The following ACOX3 variants were observed in gnomAD, a reference collection of about 807,000 sequenced individuals.
ACOX3 encodes peroxisomal acyl-coenzyme A oxidase 3.
A neutral mutation model predicts 81.5 loss-of-function variants in ACOX3; 73 were observed. That is an observed-to-expected ratio of 0.90 (90% CI 0.74 to 1.09). The LOEUF is 1.09. ACOX3 is among the 50% of genes least tolerant of loss of function. The pLI is 0.00. For missense variants in ACOX3, 947 were observed against 928.0 expected, an observed-to-expected ratio of 1.02 and a Z score of -0.27; for synonymous variants, 387 against 375.1, an observed-to-expected ratio of 1.03 and a Z score of -0.37.
intron 9 of ACOX3, among the ~76,000 whole-genome samples, chr4:8,395,898 C>G (rs6849528): frequency 6.6e-6 from 1 of 152,214 alleles, no homozygotes; most frequent in African/African-American, 2.4e-5. Flanking sequence ...TATTCATGCA[C>G]AGCTTGGCCT....
chr4:8,405,301 C>T lies in ACOX3; in HGVS notation c.776+654G>A, dbSNP rs1347085367. Among the ~76,000 whole-genome samples, 4 of 152,202 alleles carry T rather than the reference C, an allele frequency of 2.6e-5. No homozygotes were observed. Among genetic ancestry groups the T allele is most frequent in the Non-Finnish European group, 5.9e-5 (4 of 68,032 alleles). ...CCTGAAACGCTGCACATTCCAAAAT[C>T]ACTGGCCACTTCTCCCCGGCCACCC... On this transcript the variant is annotated intron_variant, in intron 7 of 17. Transcript: ENST00000356406. This position sits in a 1 kb window ranked among gnomAD's most constrained non-coding sequence, Gnocchi z 7.1.
chr4:8,433,700 GTT>G (rs1724074842), intron 1 of ACOX3, among the ~76,000 whole-genome samples: 1 of 152,212 alleles, frequency 6.6e-6, no homozygotes, highest in South Asian at 2.1e-4. Context: ...ATTTGAGTTA[GTT>G]TTCACTTTTC....
chr4:8,418,458 C>CA (rs765799961), intron 1 of ACOX3, among the ~76,000 whole-genome samples: 3,165 of 48,848 alleles, frequency 0.065, 170 homozygotes, highest in Admixed American at 0.22. Context: ...GACTCCATCT[C>CA]AAAAAAAAAA....
intron 16 of ACOX3, among the ~76,000 whole-genome samples, chr4:8,373,132 C>A (rs985544468): frequency 6.6e-6 from 1 of 152,122 alleles, no homozygotes; most frequent in African/African-American, 2.4e-5. Flanking sequence ...AGGCTGAGTC[C>A]CCCGAATGCT....
chr4:8,439,750 A>C (rs761716826), intron 1 of ACOX3, among the ~76,000 whole-genome samples: 4 of 152,234 alleles, frequency 2.6e-5, no homozygotes, highest in African/African-American at 9.6e-5. Flanking sequence ...AGTGTATTAC[A>C]TAAAACACTA....
rs888251264 is a variant in ACOX3 at position 8,384,522 on chromosome 4, A to G, written c.1538-2915T>C. 1.3e-5 allele frequency among the ~76,000 whole-genome samples: 2 copies of G among 152,176 alleles called. No individual in the cohort carries two copies. The highest frequency in any genetic ancestry group is 2.4e-5 in the African/African-American group (1 of 41,446). On this transcript the variant is annotated intron_variant, in intron 13 of 17. Transcript: ENST00000356406. The surrounding 1 kb of genome is among the most constrained non-coding windows in gnomAD (Gnocchi z 5.3). Reference sequence around the variant, plus strand: ...CAACCTCTGTCCTCAAGACTCTCCCAGAATCCTGGGTCACCACGGCCTTTC... The same window carrying G: ...CAACCTCTGTCCTCAAGACTCTCCCGGAATCCTGGGTCACCACGGCCTTTC...
Position 8,431,707 on chromosome 4 carries a change from C to T in ACOX3, c.-15+8941G>A, listed in dbSNP as rs1383288767. Among the ~76,000 whole-genome samples the T allele has an allele frequency of 6.6e-6, 1 of 152,224 alleles. No homozygotes were observed. The highest frequency in any genetic ancestry group is 1.5e-5 in the Non-Finnish European group (1 of 68,030). Reference sequence around the variant, plus strand: ...GGGGTGGGGTGAGTGTCATCAGTAACTCAGTGGACAATGACCCACGGGAGC... The same window carrying T: ...GGGGTGGGGTGAGTGTCATCAGTAATTCAGTGGACAATGACCCACGGGAGC... On this transcript the variant is annotated intron_variant, in intron 1 of 17. Coordinates refer to ENST00000356406, the MANE Select transcript of ACOX3 (RefSeq NM_003501.3). The surrounding 1 kb of genome is among the most constrained non-coding windows in gnomAD (Gnocchi z 5.3).
intron 1 of ACOX3, among the ~76,000 whole-genome samples, chr4:8,424,606 GCTAAAGGAGA>G (rs1723268312): frequency 2.0e-5 from 3 of 152,224 alleles, no homozygotes; most frequent in Non-Finnish European, 1.5e-5. Context: ...CATACTCACT[GCTAAAGGAGA>G]CTTACGGCTG....
At chr4:8,425,351 G>GAAGA (rs1347785929) in intron 1 of ACOX3, among the ~76,000 whole-genome samples, 1 of 151,924 alleles carries the variant, frequency 6.6e-6, no homozygotes, top group Non-Finnish European at 1.5e-5. Flanking sequence ...ATAGGATGGG[G>GAAGA]AACCTCACGA....
Position 8,410,321 on chromosome 4 carries a change from G to A in ACOX3, c.578C>T (p.Ala193Val), listed in dbSNP as rs201154742. The A allele has an allele frequency of 4.3e-6, 7 of 1,614,128 alleles. No homozygotes were observed. The highest frequency in any genetic ancestry group is 8.5e-7 in the Non-Finnish European group (1 of 1,179,990). Residue 193 changes from alanine to valine, a missense_variant, in exon 6 of 18, where the codon GCC becomes GTC. Coordinates refer to ENST00000356406, the MANE Select transcript of ACOX3 (RefSeq NM_003501.3). ...FIIHSPDFEA[A>V]KFWVGNMGKT... ...GCCCATGTTGCCAACCCAAAACTTG[G>A]CAGCTTCGAAATCAGGGGAATGTAT... is the stretch of plus-strand genomic sequence containing the variant.
rs1480020323 is a variant in ACOX3, at chr4:8,432,341, C to T, written c.-15+8307G>A. ...CTCTGCCTCCCGGGTTCAAGCCATT[C>T]TCCTGCCTTAGCCTCCCGAGTAGCT... On this transcript the variant is annotated intron_variant, in intron 1 of 17. Coordinates refer to ENST00000356406, the MANE Select transcript of ACOX3 (RefSeq NM_003501.3). This position sits in a 1 kb window ranked among gnomAD's most constrained non-coding sequence, Gnocchi z 6.2. Among the ~76,000 whole-genome samples, 1 of 152,110 alleles carries T rather than the reference C, an allele frequency of 6.6e-6. No individual in the cohort carries two copies. The highest frequency in any genetic ancestry group is 1.9e-4 in the East Asian group (1 of 5,188).
At chr4:8,403,013 G>A (rs1030207890) in intron 7 of ACOX3, among the ~76,000 whole-genome samples, 1 of 152,156 alleles carries the variant, frequency 6.6e-6, no homozygotes, top group Non-Finnish European at 1.5e-5. Context: ...GCAAACGCAC[G>A]AAGAAAGACC....
intron 8 of ACOX3, among the ~76,000 whole-genome samples, chr4:8,398,624 C>T (rs1451506801): frequency 3.3e-5 from 5 of 152,160 alleles, no homozygotes; most frequent in Admixed American, 3.3e-4. Flanking sequence ...CACAGGCACA[C>T]GCTACCATGC....
rs77535696 is a variant in ACOX3 at position 8,416,120 on chromosome 4, C to T, written c.145-121G>A. The stretch of plus-strand genomic sequence containing the variant: ...GGACACAGTCTGACCCGGAGACACC[C>T]AGACAGAGATATGACTATCATTCCC... On this transcript the variant is annotated intron_variant, in intron 2 of 17. Transcript: ENST00000356406. This position sits in a 1 kb window ranked among gnomAD's most constrained non-coding sequence, Gnocchi z 4.2. 1.3e-3 allele frequency: 1,437 copies of T among 1,072,572 alleles called. 18 individuals are homozygous for T. In the African/African-American group the frequency reaches 0.02, roughly 15 times the overall value. The allele number at this position is 1,072,572 out of a possible 1,614,324, so 66.4% of individuals were successfully genotyped here.
At chr4:8,425,976 A>G (rs1723442697) in intron 1 of ACOX3, among the ~76,000 whole-genome samples, 2 of 152,140 alleles carry the variant, frequency 1.3e-5, no homozygotes, top group Non-Finnish European at 2.9e-5. Context: ...CATCTAAAAA[A>G]GCTAACTCAG....
chr4:8,408,259 C>CAA (rs201696645), intron 6 of ACOX3, among the ~76,000 whole-genome samples: 258 of 132,680 alleles, frequency 1.9e-3, no homozygotes, highest in East Asian at 3.6e-3. Flanking sequence ...CACTGTCTCA[C>CAA]AAAAAAAAAA....
chr4:8,414,755 C>T lies in ACOX3; in HGVS notation c.453+99G>A. ...ACTAGGAAACAAGAAGAGCATAAGC[C>T]CCCTGGGCACCCCCTTCTACAATCT... is the stretch of plus-strand genomic sequence containing the variant. On this transcript the variant is annotated intron_variant, in intron 4 of 17. Transcript: ENST00000356406. This position sits in a 1 kb window ranked among gnomAD's most constrained non-coding sequence, Gnocchi z 6.1. 1.7e-6 allele frequency: 2 copies of T among 1,210,226 alleles called. No individual in the cohort carries two copies. The highest frequency in any genetic ancestry group is 2.5e-5 in the South Asian group (2 of 80,662). 75.0% of individuals were successfully genotyped at this position (1,210,226 alleles called of 1,614,324 possible). A position where few individuals can be genotyped will look rare whatever the true frequency, so the allele number is the denominator to read the frequency against.
intron 1 of ACOX3, among the ~76,000 whole-genome samples, chr4:8,436,868 T>A (rs1367783448): frequency 6.7e-6 from 1 of 148,196 alleles, no homozygotes; most frequent in African/African-American, 2.5e-5. Context: ...GGCGGGTAGC[T>A]GTAGTCCCAG....
chr4:8,373,427 G>A (rs1482591746), intron 16 of ACOX3, 134 bp downstream of exon 16: 34 of 902,708 alleles, frequency 3.8e-5, no homozygotes, highest in African/African-American at 3.7e-4. Flanking sequence ...TCTGGGTGAC[G>A]CTAAGGGGGT....
Sources: gnomAD v4.1 joint callset for allele counts (sites outside exome capture counted in the v4.1 genomes callset) on GRCh38, gnomAD v4.1.1 for gene constraint, Gnocchi (gnomAD v3.1) non-coding constraint, MANE v1.5 for transcripts, NCBI Gene and HGNC (gene_info 2026-07-23, HGNC 2026-07-21) for gene names.